Variants in CPNE8 observed in about 807,000 individuals in gnomAD.
CPNE8 encodes copine-8.
Under a neutral mutation model 81.5 loss-of-function variants are expected in CPNE8, and 45 were observed. The observed-to-expected ratio is 0.55, with a 90% CI of 0.44 to 0.71. The LOEUF (loss-of-function observed/expected upper bound fraction) is 0.71. Ranked by LOEUF, CPNE8 falls within the 30% of genes least tolerant of loss-of-function variation. CPNE8 has a pLI of 0.00. For synonymous variants in CPNE8, 252 were observed against 226.3 expected, an observed-to-expected ratio of 1.11 and a Z score of -1.02; for missense variants, 594 against 672.1, an observed-to-expected ratio of 0.88 and a Z score of 1.28.
intron 14 of CPNE8, 26 bp from the exon 15 acceptor site, chr12:38,693,864 C>T (rs1939734911): frequency 1.3e-6 from 2 of 1,546,734 alleles, no homozygotes; most frequent in Non-Finnish European, 1.7e-6. Flanking sequence ...ATATTTCAAA[C>T]ATAAGCAATT....
At chr12:38,789,896 T>C (rs1942282310) in intron 6 of CPNE8, among the ~76,000 whole-genome samples, 1 of 151,810 alleles carries the variant, frequency 6.6e-6, no homozygotes, top group Admixed American at 6.6e-5. Flanking sequence ...TGCAATGAGA[T>C]ATAGCATCAC....
intron 6 of CPNE8, among the ~76,000 whole-genome samples, chr12:38,808,764 TAAAA>T (rs1942875123): frequency 2.0e-5 from 3 of 149,346 alleles, no homozygotes; most frequent in East Asian, 2.0e-4. Flanking sequence ...AATAATAAAA[TAAAA>T]TAAAAAAAAG....
intron 13 of CPNE8, among the ~76,000 whole-genome samples, chr12:38,719,762 T>A (rs1261770402): frequency 1.3e-5 from 2 of 152,090 alleles, no homozygotes; most frequent in Non-Finnish European, 2.9e-5. Context: ...CTTATAAACA[T>A]TATATTGTGG....
intron 6 of CPNE8, among the ~76,000 whole-genome samples, chr12:38,795,473 C>A (rs1942437921): frequency 6.6e-6 from 1 of 151,798 alleles, no homozygotes; most frequent in Admixed American, 6.6e-5. Flanking sequence ...AGAAGCAACC[C>A]AAAAATCTAT....
chr12:38,877,652 G>A (rs568699917), intron 1 of CPNE8, among the ~76,000 whole-genome samples: 2 of 152,136 alleles, frequency 1.3e-5, no homozygotes, highest in South Asian at 4.2e-4. Context: ...CCTATAAATT[G>A]CCTGAGTTGT....
At chr12:38,788,987 T>C (rs939197366) in intron 6 of CPNE8, among the ~76,000 whole-genome samples, 1 of 151,920 alleles carries the variant, frequency 6.6e-6, no homozygotes, top group Non-Finnish European at 1.5e-5. Flanking sequence ...TCCATGTTTA[T>C]GGATTGGAAT....
At chr12:38,663,340 C>A (rs1256857831) in intron 19 of CPNE8, among the ~76,000 whole-genome samples, 1 of 151,758 alleles carries the variant, frequency 6.6e-6, no homozygotes, top group Admixed American at 6.6e-5. Flanking sequence ...TTAAAATGGA[C>A]AAGTGACCTA....
intron 14 of CPNE8, among the ~76,000 whole-genome samples, chr12:38,695,890 CTGA>C (rs1238583829): frequency 1.3e-5 from 2 of 152,000 alleles, no homozygotes; most frequent in African/African-American, 2.4e-5. Context: ...CAGTGAGCCC[CTGA>C]TAGTGTCACT....
chr12:38,806,033 C>T (rs1942793393), intron 6 of CPNE8, among the ~76,000 whole-genome samples: 2 of 150,260 alleles, frequency 1.3e-5, no homozygotes, highest in Admixed American at 6.6e-5. Context: ...GACACATACA[C>T]CCTCCCAAGA....
intron 6 of CPNE8, among the ~76,000 whole-genome samples, chr12:38,792,623 T>C (rs997408416): frequency 6.6e-6 from 1 of 151,736 alleles, no homozygotes; most frequent in Non-Finnish European, 1.5e-5. Context: ...TAAGTCCCAA[T>C]GGTTCAACTA....
At chr12:38,732,333 AG>A (rs1015253646) in intron 10 of CPNE8, among the ~76,000 whole-genome samples, 4 of 152,006 alleles carry the variant, frequency 2.6e-5, no homozygotes, top group Non-Finnish European at 5.9e-5. Flanking sequence ...TCAGTCTGAC[AG>A]AATAACAAAT....
intron 13 of CPNE8, among the ~76,000 whole-genome samples, chr12:38,705,618 A>G (rs1386504994): frequency 6.6e-6 from 1 of 152,206 alleles, no homozygotes; most frequent in African/African-American, 2.4e-5. Context: ...GAACATTTTC[A>G]GATAAAAGCC....
chr12:38,829,805 G>A (rs1192881804), intron 5 of CPNE8, among the ~76,000 whole-genome samples: 1 of 152,156 alleles, frequency 6.6e-6, no homozygotes, highest in Non-Finnish European at 1.5e-5. Context: ...TGTTGGCTGA[G>A]GAGACAAAAT....
intron 19 of CPNE8, among the ~76,000 whole-genome samples, chr12:38,666,915 T>C (rs1397810318): frequency 6.6e-6 from 1 of 152,174 alleles, no homozygotes; most frequent in Non-Finnish European, 1.5e-5. Flanking sequence ...AAAGTACCTG[T>C]CACATAAAGT....
intron 6 of CPNE8, among the ~76,000 whole-genome samples, chr12:38,808,359 G>A (rs1942864856): frequency 6.6e-6 from 1 of 151,952 alleles, no homozygotes; most frequent in African/African-American, 2.4e-5. Context: ...CAACCCAAAT[G>A]TCCAACAACG....
At chr12:38,730,078 A>C (rs532497096) in intron 11 of CPNE8, among the ~76,000 whole-genome samples, 1 of 152,024 alleles carries the variant, frequency 6.6e-6, no homozygotes, top group Non-Finnish European at 1.5e-5. Flanking sequence ...TTTATACACA[A>C]GAATTAAAAA....
chr12:38,704,826 G>GTATATATATGTGTATA (rs58878926), intron 13 of CPNE8, among the ~76,000 whole-genome samples: 984 of 50,116 alleles, frequency 0.02, 124 homozygotes, highest in African/African-American at 0.029. Flanking sequence ...GTATGTATGT[G>GTATATATATGTGTATA]TATATATATA....
chr12:38,688,566 C>A (rs546303120), intron 15 of CPNE8, among the ~76,000 whole-genome samples: 2 of 151,442 alleles, frequency 1.3e-5, no homozygotes, highest in Non-Finnish European at 2.9e-5. Context: ...AGTCTAAATG[C>A]CCATCAACCA....
intron 10 of CPNE8, among the ~76,000 whole-genome samples, chr12:38,753,834 G>A (rs1941400613): frequency 6.6e-6 from 1 of 151,968 alleles, no homozygotes. Context: ...TGTGCCTAAG[G>A]TAAAAATTAA....
Sources: gnomAD v4.1 joint callset for allele counts (sites outside exome capture counted in the v4.1 genomes callset) on GRCh38, gnomAD v4.1.1 for gene constraint, MANE v1.5 for transcripts, NCBI Gene and HGNC (gene_info 2026-07-23, HGNC 2026-07-21) for gene names.